ESRRG: variants seen among roughly 807,000 people sequenced by gnomAD.
The protein encoded by ESRRG is estrogen-related receptor gamma.
Under a neutral mutation model 44.0 loss-of-function variants are expected in ESRRG, and 13 were observed. The ratio of observed to expected loss-of-function variants is 0.30; its 90% CI spans 0.19 to 0.47. The LOEUF is 0.47. Ranked by LOEUF, ESRRG falls within the 20% of genes least tolerant of loss-of-function variation. ESRRG has a pLI of 1.00. For missense variants in ESRRG, 395 were observed against 580.6 expected, an observed-to-expected ratio of 0.68 and a Z score of 3.29; for synonymous variants, 215 against 214.6, an observed-to-expected ratio of 1.00 and a Z score of -0.02.
chr1:216,817,020 C>T (rs2095159006), intron 2 of ESRRG, among the ~76,000 whole-genome samples: 1 of 149,704 alleles, frequency 6.7e-6, no homozygotes, highest in Non-Finnish European at 1.5e-5. Context: ...AGGAAAGCAT[C>T]AAAGAGTGCA....
intron 1 of ESRRG, among the ~76,000 whole-genome samples, chr1:217,002,068 G>A (rs947743976): frequency 6.6e-6 from 1 of 151,948 alleles, no homozygotes; most frequent in Non-Finnish European, 1.5e-5. Context: ...TTGGGAGGCC[G>A]AGTCTGGTGG....
intron 1 of ESRRG, among the ~76,000 whole-genome samples, chr1:216,999,126 T>G (rs2076711874): frequency 6.6e-6 from 1 of 152,226 alleles, no homozygotes; most frequent in African/African-American, 2.4e-5. Context: ...TTGCCCTCTC[T>G]GGACCACAGA....
chr1:216,934,029 G>A (rs533278293), intron 2 of ESRRG, among the ~76,000 whole-genome samples: 14 of 152,242 alleles, frequency 9.2e-5, no homozygotes, highest in South Asian at 8.3e-4. Flanking sequence ...CTCAGTATGC[G>A]TATTTTATTA....
At chr1:216,566,902 G>A (rs2059774817) in intron 4 of ESRRG, among the ~76,000 whole-genome samples, 1 of 152,080 alleles carries the variant, frequency 6.6e-6, no homozygotes, top group Non-Finnish European at 1.5e-5. Context: ...TTTTTCCTTT[G>A]ACATAGCTAA....
upstream of ESRRG, among the ~76,000 whole-genome samples, chr1:216,728,281 C>T (rs1312157457): frequency 6.6e-6 from 1 of 152,110 alleles, no homozygotes; most frequent in Non-Finnish European, 1.5e-5. Flanking sequence ...AGGTCAATGT[C>T]CCATTTTAGA....
At chr1:216,514,319 G>A (rs1176548331) in intron 6 of ESRRG, among the ~76,000 whole-genome samples, 1 of 152,046 alleles carries the variant, frequency 6.6e-6, no homozygotes, top group Non-Finnish European at 1.5e-5. Context: ...ACTAAGAGAT[G>A]AAAAGTTATA....
At chr1:217,092,062 A>T (rs558350355), upstream of ESRRG, among the ~76,000 whole-genome samples, 6 of 152,182 alleles carry the variant, frequency 3.9e-5, no homozygotes, top group East Asian at 3.9e-4. Context: ...CAGGAGTGAG[A>T]TGTTTGAGCA....
chr1:216,716,930 C>T (rs1194443161), intron 1 of ESRRG, among the ~76,000 whole-genome samples: 1 of 151,790 alleles, frequency 6.6e-6, no homozygotes, highest in African/African-American at 2.4e-5. Flanking sequence ...CTTTAACTGA[C>T]CAGAAGGAAG....
At chr1:216,541,740 C>G (rs79800319) in intron 5 of ESRRG, among the ~76,000 whole-genome samples, 3 of 151,864 alleles carry the variant, frequency 2.0e-5, no homozygotes, top group Non-Finnish European at 4.4e-5. Flanking sequence ...TTTTTAACTT[C>G]TATTTTTGTT....
At chr1:217,042,968 C>A (rs1327055333) in intron 1 of ESRRG, among the ~76,000 whole-genome samples, 1 of 152,048 alleles carries the variant, frequency 6.6e-6, no homozygotes, top group Non-Finnish European at 1.5e-5. Flanking sequence ...ATTAATGACA[C>A]CTCTTTACTC....
At chr1:216,921,524 C>T (rs1266293999) in intron 2 of ESRRG, among the ~76,000 whole-genome samples, 2 of 152,154 alleles carry the variant, frequency 1.3e-5, no homozygotes, top group Non-Finnish European at 2.9e-5. Flanking sequence ...CCTCCTACGG[C>T]ACTCTGGTGA....
At chr1:216,816,329 A>G (rs2095135828) in intron 2 of ESRRG, among the ~76,000 whole-genome samples, 1 of 152,224 alleles carries the variant, frequency 6.6e-6, no homozygotes, top group African/African-American at 2.4e-5. Context: ...ATGTGAGGTA[A>G]TACACATGTT....
intron 2 of ESRRG, among the ~76,000 whole-genome samples, chr1:216,756,900 C>T (rs11572645): frequency 0.022 from 3,376 of 152,000 alleles, 56 homozygotes; most frequent in Non-Finnish European, 0.031. Flanking sequence ...AGAGTAGAGA[C>T]TGAAAAACAT....
intron 2 of ESRRG, among the ~76,000 whole-genome samples, chr1:216,926,444 G>C (rs969050774): frequency 6.7e-6 from 1 of 150,254 alleles, no homozygotes; most frequent in East Asian, 1.9e-4. Context: ...CTCCTGTTTC[G>C]TTCCTGTGAC....
At chr1:216,970,945 C>A (rs1407173193) in intron 1 of ESRRG, among the ~76,000 whole-genome samples, 1 of 152,034 alleles carries the variant, frequency 6.6e-6, no homozygotes, top group African/African-American at 2.4e-5. Flanking sequence ...GAGAATAAAT[C>A]CAAGGAAGGA....
At position 216,680,693 on chromosome 1, in the gene ESRRG, C is replaced by T. The variant is rs542559578; in HGVS notation, c.57-3202G>A. 4.3e-4 allele frequency among the ~76,000 whole-genome samples: 66 copies of T among 152,300 alleles called. 1 individual carries two copies. In the South Asian group the frequency reaches 0.013, roughly 31 times the overall value. On this transcript the variant is annotated intron_variant, in intron 1 of 6. Transcript: ENST00000408911. ...ACTTAGCTCATTACACTGAACACTT[C>T]CTAGACACTATTATATTATAACCTA...
chr1:217,058,504 A>C (rs1350462151), intron 1 of ESRRG, among the ~76,000 whole-genome samples: 1 of 152,132 alleles, frequency 6.6e-6, no homozygotes, highest in African/African-American at 2.4e-5. Context: ...TTGTGGACTT[A>C]AGTTTAAAGG....
chr1:216,522,266 T>A, intron 5 of ESRRG, among the ~76,000 whole-genome samples: 1 of 141,500 alleles, frequency 7.1e-6, no homozygotes, highest in East Asian at 2.1e-4. Context: ...TTTTTTTTTT[T>A]TTTTTTTTTT....
At chr1:216,990,331 A>AT (rs1216447788) in intron 1 of ESRRG, among the ~76,000 whole-genome samples, 1 of 152,198 alleles carries the variant, frequency 6.6e-6, no homozygotes, top group Non-Finnish European at 1.5e-5. Context: ...TTTCAAAAAT[A>AT]TTTTTTTAAA....
Sources: allele counts gnomAD v4.1 joint callset (sites outside exome capture counted in the v4.1 genomes callset), GRCh38; gene constraint gnomAD v4.1.1; transcripts MANE v1.5; gene names NCBI Gene and HGNC (gene_info 2026-07-23, HGNC 2026-07-21).